The following CTNND2 variants were observed in gnomAD, a reference collection of about 807,000 sequenced individuals.
CTNND2 encodes catenin delta 2, also known as catenin delta-2.
Under a neutral mutation model 144.4 loss-of-function variants are expected in CTNND2, and 22 were observed. The observed-to-expected ratio is 0.15, with a 90% CI of 0.11 to 0.22. CTNND2 has a LOEUF of 0.22. Among genes scored for constraint, CTNND2 ranks in the 10% least tolerant of loss-of-function variants. The probability of loss-of-function intolerance (pLI) is 1.00; values close to 1 mark genes in which losing one functional copy is unlikely to be tolerated. For synonymous variants in CTNND2, 751 were observed against 695.6 expected (o/e 1.08, Z -1.25); for missense variants, 1,353 against 1,618.8 (o/e 0.84, Z 2.82).
At chr5:11,623,283 C>T (rs1433078353) in intron 2 of CTNND2, among the ~76,000 whole-genome samples, 1 of 151,976 alleles carries the variant, frequency 6.6e-6, no homozygotes, top group Non-Finnish European at 1.5e-5. Flanking sequence ...TCCCATAATT[C>T]CTACTTGTTA....
intron 3 of CTNND2, among the ~76,000 whole-genome samples, chr5:11,533,790 G>A (rs1773972465): frequency 6.6e-6 from 1 of 152,192 alleles, no homozygotes. Context: ...TCTGACTCAG[G>A]AGTTCTGGGA....
chr5:11,171,984 A>G (rs1253251810), intron 11 of CTNND2, among the ~76,000 whole-genome samples: 1 of 152,210 alleles, frequency 6.6e-6, no homozygotes, highest in African/African-American at 2.4e-5. Context: ...ACAAAATTAT[A>G]CTTACATTCG....
At chr5:11,388,516 A>T (rs1445756551) in intron 6 of CTNND2, among the ~76,000 whole-genome samples, 2 of 152,220 alleles carry the variant, frequency 1.3e-5, no homozygotes, top group Non-Finnish European at 2.9e-5. Flanking sequence ...AGTTTACAAT[A>T]AATAAACCAG....
intron 2 of CTNND2, among the ~76,000 whole-genome samples, chr5:11,695,071 T>A (rs562574331): frequency 6.6e-6 from 1 of 152,296 alleles, no homozygotes; most frequent in East Asian, 1.9e-4. Flanking sequence ...ATATGCTAGA[T>A]GAGGTTAAGT....
chr5:11,202,437 A>C (rs902478155), intron 10 of CTNND2, among the ~76,000 whole-genome samples: 3 of 152,216 alleles, frequency 2.0e-5, no homozygotes, highest in African/African-American at 7.2e-5. Context: ...AACATAAGTA[A>C]GTCAATTAAC....
At chr5:11,444,685 G>A (rs1764650093) in intron 3 of CTNND2, among the ~76,000 whole-genome samples, 1 of 152,200 alleles carries the variant, frequency 6.6e-6, no homozygotes, top group Non-Finnish European at 1.5e-5. Context: ...CTGGATAACA[G>A]AGTGAGACTC....
intron 11 of CTNND2, among the ~76,000 whole-genome samples, chr5:11,193,948 A>G (rs939709838): frequency 2.0e-5 from 3 of 152,186 alleles, no homozygotes; most frequent in Non-Finnish European, 4.4e-5. Flanking sequence ...CTGTAAACAT[A>G]TTTATACTTT....
intron 6 of CTNND2, among the ~76,000 whole-genome samples, chr5:11,386,875 C>T (rs1333214993): frequency 6.6e-6 from 1 of 152,110 alleles, no homozygotes; most frequent in Non-Finnish European, 1.5e-5. Context: ...ACGAACACTA[C>T]AGATGTGGGT....
chr5:11,535,311 T>C (rs1774114199), intron 3 of CTNND2, among the ~76,000 whole-genome samples: 1 of 152,198 alleles, frequency 6.6e-6, no homozygotes, highest in Non-Finnish European at 1.5e-5. Context: ...CCTCCAGTTC[T>C]TGTCAAAGAA....
intron 1 of CTNND2, among the ~76,000 whole-genome samples, chr5:11,842,441 C>T (rs2100675): frequency 0.013 from 1,934 of 152,164 alleles, 22 homozygotes; most frequent in African/African-American, 0.04. Flanking sequence ...AGATATGGGC[C>T]GGGCGCAGTG....
intron 1 of CTNND2, among the ~76,000 whole-genome samples, chr5:11,822,123 T>G (rs61761580): frequency 1.3e-5 from 2 of 152,162 alleles, no homozygotes; most frequent in Non-Finnish European, 2.9e-5. Context: ...AAATATAATG[T>G]CAATATTATC....
chr5:11,419,519 C>T (rs1762202140), intron 3 of CTNND2, among the ~76,000 whole-genome samples: 1 of 152,156 alleles, frequency 6.6e-6, no homozygotes, highest in Admixed American at 6.5e-5. Flanking sequence ...TGTGAGACAA[C>T]TGACAGTGTC....
At chr5:11,530,922 C>T (rs1015620301) in intron 3 of CTNND2, among the ~76,000 whole-genome samples, 1 of 151,992 alleles carries the variant, frequency 6.6e-6, no homozygotes, top group African/African-American at 2.4e-5. Context: ...TACAAACGCA[C>T]ACAAAAAGCA....
chr5:11,491,229 G>A (rs1769353070), intron 3 of CTNND2, among the ~76,000 whole-genome samples: 1 of 152,126 alleles, frequency 6.6e-6, no homozygotes. Context: ...CTTTCCCAGT[G>A]ACACATGTCC....
At chr5:11,641,836 G>A (rs973566595) in intron 2 of CTNND2, among the ~76,000 whole-genome samples, 1 of 150,502 alleles carries the variant, frequency 6.6e-6, no homozygotes, top group Non-Finnish European at 1.5e-5. Flanking sequence ...ATATGTGTAT[G>A]TATGTATGTA....
At chr5:11,316,118 A>G (rs905708442) in intron 9 of CTNND2, among the ~76,000 whole-genome samples, 1 of 152,228 alleles carries the variant, frequency 6.6e-6, no homozygotes, top group African/African-American at 2.4e-5. Context: ...AAACAAAAAC[A>G]AAAAATCTAA....
rs984501447 is a variant in CTNND2, at chr5:11,261,071, T to C, written c.1629-24248A>G. Among the ~76,000 whole-genome samples, 5 of 152,252 alleles carry C rather than the reference T, an allele frequency of 3.3e-5. No individual in the cohort carries two copies. The East Asian group carries it at 7.7e-4, about 24-fold the overall frequency. ...CAGGGTGCTAACATTTTCAAGATGA[T>C]ACCCAGCCACAGTCACGCGAATGCT... On this transcript the variant is annotated intron_variant, in intron 9 of 21. Transcript: ENST00000304623.
chr5:11,648,654 C>A (rs1274961514), intron 2 of CTNND2, among the ~76,000 whole-genome samples: 3 of 151,938 alleles, frequency 2.0e-5, no homozygotes, highest in Non-Finnish European at 4.4e-5. Flanking sequence ...TTATTTAATT[C>A]TTTATTCTCT....
chr5:11,331,305 T>C (rs1391866940), intron 9 of CTNND2, among the ~76,000 whole-genome samples: 3 of 152,318 alleles, frequency 2.0e-5, no homozygotes, highest in Non-Finnish European at 2.9e-5. Context: ...TTTAGCATTT[T>C]TGAGGTATGA....
Sources: allele counts gnomAD v4.1 joint callset (sites outside exome capture counted in the v4.1 genomes callset), GRCh38; gene constraint gnomAD v4.1.1; transcripts MANE v1.5; gene names NCBI Gene and HGNC (gene_info 2026-07-23, HGNC 2026-07-21).